PDE4D: variants seen among roughly 807,000 people sequenced by gnomAD.
The protein encoded by PDE4D is phosphodiesterase 4D, also known as 3',5'-cyclic-AMP phosphodiesterase 4D.
PDE4D carries 24 observed loss-of-function variants against 87.4 expected under a neutral mutation model. The ratio of observed to expected loss-of-function variants is 0.27; its 90% CI spans 0.20 to 0.39. The LOEUF (loss-of-function observed/expected upper bound fraction) is 0.39, where lower values mean the gene tolerates loss of function less well. Among genes scored for constraint, PDE4D ranks in the 10% least tolerant of loss-of-function variants. The pLI is 1.00. For missense variants in PDE4D, 714 were observed against 1,041.0 expected (o/e 0.69, Z 4.32); for synonymous variants, 384 against 383.2 (o/e 1.00, Z -0.02).
rs2152817968 is a variant in PDE4D, at chr5:59,971,268, T to G, written c.272+17220A>C. On this transcript the variant is annotated intron_variant, in intron 3 of 16. Coordinates refer to the PDE4D transcript ENST00000502484. ...ATATACCTAATGCTAGATGACGAGT[T>G]AGTGGGTGCAGCGCACCAGCATGGC... Among the ~76,000 whole-genome samples, 9 of 148,472 alleles carry G rather than the reference T, an allele frequency of 6.1e-5. No homozygotes were observed. The East Asian group carries it at 6.3e-4, about 10-fold the overall frequency.
intron 1 of PDE4D, among the ~76,000 whole-genome samples, chr5:59,759,206 C>A (rs1241693191): frequency 2.0e-5 from 3 of 152,004 alleles, no homozygotes; most frequent in Non-Finnish European, 4.4e-5. Context: ...AGGAGCTTTT[C>A]AATTATAAAG....
chr5:60,277,252 A>G (rs547549206), intron 1 of PDE4D, among the ~76,000 whole-genome samples: 2 of 152,118 alleles, frequency 1.3e-5, no homozygotes, highest in East Asian at 1.9e-4. Flanking sequence ...TAGTCAACAT[A>G]ATACTGAAAG....
At chr5:59,935,833 C>T (rs889633258) in intron 3 of PDE4D, among the ~76,000 whole-genome samples, 3 of 152,132 alleles carry the variant, frequency 2.0e-5, no homozygotes, top group East Asian at 1.9e-4. Context: ...ATATGTGCCA[C>T]ATTTTCTTAA....
chr5:60,430,545 G>GTTTTT (rs1303120305), intron 1 of PDE4D, among the ~76,000 whole-genome samples: 2 of 116,346 alleles, frequency 1.7e-5, no homozygotes, highest in African/African-American at 7.9e-5. Context: ...GTTTTTTTTT[G>GTTTTT]TTTGTTTTTT....
intron 3 of PDE4D, among the ~76,000 whole-genome samples, chr5:59,925,189 C>G (rs368279056): frequency 8.1e-5 from 8 of 98,658 alleles, no homozygotes; most frequent in Non-Finnish European, 1.4e-4. Flanking sequence ...AAAAAAGAAA[C>G]AATGAAAGTT....
intron 1 of PDE4D, among the ~76,000 whole-genome samples, chr5:59,736,207 C>A (rs1758050173): frequency 6.6e-6 from 1 of 150,888 alleles, no homozygotes; most frequent in Non-Finnish European, 1.5e-5. Context: ...AAGATTCCAG[C>A]AGAGAGTTCA....
At chr5:59,105,880 C>T (rs754627090) in intron 5 of PDE4D, among the ~76,000 whole-genome samples, 74 of 152,240 alleles carry the variant, frequency 4.9e-4, no homozygotes, top group Non-Finnish European at 9.4e-4. Flanking sequence ...GATAGAGAAT[C>T]TCCCCATAGG....
At chr5:58,980,025 G>T (rs1477141040) in intron 11 of PDE4D, among the ~76,000 whole-genome samples, 1 of 152,154 alleles carries the variant, frequency 6.6e-6, no homozygotes, top group Non-Finnish European at 1.5e-5. Context: ...GTGCCATTGT[G>T]TTAAATGGTT....
At chr5:59,462,870 C>T (rs1437456678) in intron 1 of PDE4D, among the ~76,000 whole-genome samples, 1 of 151,584 alleles carries the variant, frequency 6.6e-6, no homozygotes, top group African/African-American at 2.4e-5. Context: ...TGGAATGAGC[C>T]TAAGGGGATA....
intron 1 of PDE4D, among the ~76,000 whole-genome samples, chr5:59,756,434 GAAT>G (rs1011533167): frequency 4.8e-4 from 72 of 151,548 alleles, no homozygotes; most frequent in Middle Eastern, 3.4e-3. Context: ...TATTGTGACA[GAAT>G]AATAAGATAC....
intron 2 of PDE4D, among the ~76,000 whole-genome samples, chr5:60,136,990 T>C (rs912353370): frequency 1.4e-4 from 21 of 152,084 alleles, no homozygotes; most frequent in Non-Finnish European, 2.8e-4. Context: ...AAGGCCCCAG[T>C]GTGTATTGTT....
intron 1 of PDE4D, among the ~76,000 whole-genome samples, chr5:60,290,841 T>C (rs1752829945): frequency 6.6e-6 from 1 of 151,920 alleles, no homozygotes; most frequent in Admixed American, 6.6e-5. Context: ...TAGGAGAGTA[T>C]ACAGACATAG....
At chr5:59,932,539 C>G (rs116712755) in intron 3 of PDE4D, among the ~76,000 whole-genome samples, 1 of 152,158 alleles carries the variant, frequency 6.6e-6, no homozygotes, top group Admixed American at 6.5e-5. Context: ...GGTTAAGTAA[C>G]CTGCCTAAGG....
chr5:59,533,726 C>T (rs1814642065), intron 1 of PDE4D, among the ~76,000 whole-genome samples: 1 of 152,136 alleles, frequency 6.6e-6, no homozygotes, highest in African/African-American at 2.4e-5. Flanking sequence ...GGAGGCTGTA[C>T]CACAGATCTA....
intron 1 of PDE4D, among the ~76,000 whole-genome samples, chr5:59,402,403 G>A (rs959414863): frequency 2.0e-5 from 3 of 152,170 alleles, no homozygotes; most frequent in Non-Finnish European, 4.4e-5. Context: ...ATCACCAGCA[G>A]TGAATCTGCT....
intron 5 of PDE4D, among the ~76,000 whole-genome samples, chr5:59,168,297 C>T (rs1782204257): frequency 6.6e-6 from 1 of 152,132 alleles, no homozygotes; most frequent in Non-Finnish European, 1.5e-5. Context: ...TTCAGGCCTT[C>T]GTGGTAAGTG....
chr5:60,373,606 T>C (rs993024724), intron 1 of PDE4D, among the ~76,000 whole-genome samples: 10 of 152,226 alleles, frequency 6.6e-5, no homozygotes, highest in Admixed American at 6.5e-4. Context: ...GCTCCTATAT[T>C]GGTTTCCTGT....
chr5:60,402,768 G>T (rs1170508781), intron 1 of PDE4D, among the ~76,000 whole-genome samples: 1 of 152,106 alleles, frequency 6.6e-6, no homozygotes, highest in Non-Finnish European at 1.5e-5. Context: ...AAACCAGGTT[G>T]GTATCTAACA....
chr5:60,383,742 A>G, intron 1 of PDE4D, among the ~76,000 whole-genome samples: 1 of 148,656 alleles, frequency 6.7e-6, no homozygotes, highest in East Asian at 1.9e-4. Context: ...TTATAAATAG[A>G]AAAAATACTA....
Sources: allele counts gnomAD v4.1 joint callset (sites outside exome capture counted in the v4.1 genomes callset), GRCh38; gene constraint gnomAD v4.1.1; transcripts MANE v1.5; gene names NCBI Gene and HGNC (gene_info 2026-07-23, HGNC 2026-07-21).